AGO2: variants seen among roughly 807,000 people sequenced by gnomAD.
The protein encoded by AGO2 is protein argonaute-2.
Under a neutral mutation model 102.3 loss-of-function variants are expected in AGO2, and 5 were observed. That is an observed-to-expected ratio of 0.05 (90% CI 0.03 to 0.10). AGO2 has a LOEUF of 0.10. Among genes scored for constraint, AGO2 ranks in the 10% least tolerant of loss-of-function variants. The probability of loss-of-function intolerance (pLI) is 1.00; values close to 1 mark genes in which losing one functional copy is unlikely to be tolerated. For synonymous variants in AGO2, 449 were observed against 473.1 expected, an observed-to-expected ratio of 0.95 and a Z score of 0.66; for missense variants, 541 against 1,183.7, an observed-to-expected ratio of 0.46 and a Z score of 7.97.
intron 17 of AGO2, 166 bp from the exon 18 acceptor site, chr8:140,532,781 G>A (rs1025188351): frequency 1.9e-4 from 126 of 679,650 alleles, no homozygotes; most frequent in Non-Finnish European, 2.7e-4. Context: ...CAGATCACGC[G>A]GTCAGGAGTT....
At position 140,539,510 on chromosome 8, in the gene AGO2, C is replaced by T. The variant is rs545605170; in HGVS notation, c.2035-56G>A. ...TAAAGATGGTAGTGCATGTGAGCAA[C>T]GGTCCCACGTGCGGGTTCTGGGTTG... On this transcript the variant is annotated intron_variant, in intron 15 of 18. Transcript: ENST00000220592. The surrounding 1 kb of genome is among the most constrained non-coding windows in gnomAD (Gnocchi z 4.7). The T allele has an allele frequency of 9.0e-6, 14 of 1,560,208 alleles. No homozygotes were observed. The highest frequency in any genetic ancestry group is 6.8e-5 in the East Asian group (3 of 44,124).
chr8:140,640,805 C>T, the AGO2 span, among the ~76,000 whole-genome samples: 654 of 152,314 alleles, frequency 4.3e-3, 4 homozygotes, highest in African/African-American at 0.015. Context: ...AGGCGTGAGC[C>T]ACCACGCCTG....
At chr8:140,599,288 T>C (rs2073894927) in intron 1 of AGO2, among the ~76,000 whole-genome samples, 1 of 152,080 alleles carries the variant, frequency 6.6e-6, no homozygotes, top group Non-Finnish European at 1.5e-5. Context: ...GAACGCAAAA[T>C]CCTGTGACCA....
At chr8:140,625,348 C>G (rs535093875) in intron 1 of AGO2, among the ~76,000 whole-genome samples, 4 of 152,132 alleles carry the variant, frequency 2.6e-5, no homozygotes, top group Non-Finnish European at 4.4e-5. Flanking sequence ...TCAGGTGATC[C>G]GCCCGCCTTG....
intron 1 of AGO2, among the ~76,000 whole-genome samples, chr8:140,593,508 C>A (rs1340322775): frequency 6.7e-6 from 1 of 148,946 alleles, no homozygotes; most frequent in Non-Finnish European, 1.5e-5. Flanking sequence ...CACTGATCTG[C>A]CACCCTCATG....
At chr8:140,611,330 G>T (rs1045262865) in intron 1 of AGO2, among the ~76,000 whole-genome samples, 59 of 147,914 alleles carry the variant, frequency 4.0e-4, no homozygotes, top group African/African-American at 5.7e-4. Context: ...TTAAGCCTTT[G>T]TTTTTTTTTT....
chr8:140,603,113 T>C (rs1009387755), intron 1 of AGO2, among the ~76,000 whole-genome samples: 1 of 152,180 alleles, frequency 6.6e-6, no homozygotes, highest in African/African-American at 2.4e-5. Flanking sequence ...CAGCCCAGAA[T>C]TGGTGGGAGC....
chr8:140,560,271 G>C (rs1228584590), intron 5 of AGO2, 103 bp downstream of exon 5: 2 of 1,499,084 alleles, frequency 1.3e-6, no homozygotes, highest in Non-Finnish European at 1.8e-6. Flanking sequence ...TCTGACAGAG[G>C]CCATGCGTGG....
intron 1 of AGO2, among the ~76,000 whole-genome samples, chr8:140,608,861 C>T (rs2074039368): frequency 6.6e-6 from 1 of 152,202 alleles, no homozygotes; most frequent in African/African-American, 2.4e-5. Flanking sequence ...GAATCAGCCC[C>T]GCGGGGTGAT....
chr8:140,542,090 G>A (rs2072809526), intron 14 of AGO2, among the ~76,000 whole-genome samples: 1 of 152,118 alleles, frequency 6.6e-6, no homozygotes, highest in Non-Finnish European at 1.5e-5. Context: ...CCACCGGAAG[G>A]TGCCAGCCAT....
intron 1 of AGO2, among the ~76,000 whole-genome samples, chr8:140,606,211 G>C (rs1335675933): frequency 4.6e-5 from 7 of 152,188 alleles, no homozygotes; most frequent in Admixed American, 4.6e-4. Flanking sequence ...AAGAAACCAA[G>C]TAGGTTCTGA....
chr8:140,640,521 T>C (rs1041935367), upstream of AGO2, among the ~76,000 whole-genome samples: 3 of 151,666 alleles, frequency 2.0e-5, no homozygotes, highest in Non-Finnish European at 4.4e-5. Context: ...GGACAGCTGG[T>C]GTTTCTTTTT....
In AGO2 at chr8:140,526,061, G is replaced by A. The variant is rs765328300; in HGVS notation, c.*5983C>T. 4 of 152,232 alleles carry A rather than the reference G, an allele frequency of 2.6e-5. No homozygotes were observed. The highest frequency in any genetic ancestry group is 4.4e-5 in the Non-Finnish European group (3 of 68,038). The allele number at this position is 152,232 out of a possible 1,614,324, so 9.4% of individuals were successfully genotyped here. A position where few individuals can be genotyped will look rare whatever the true frequency, so the allele number is the denominator to read the frequency against. On this transcript the variant is annotated 3_prime_UTR_variant, in exon 19 of 19. Coordinates refer to ENST00000220592, the MANE Select transcript of AGO2 (RefSeq NM_012154.5). This position sits in a 1 kb window ranked among gnomAD's most constrained non-coding sequence, Gnocchi z 5.2. ...CCCTTAGTTTGTTTTGCAGTAGGGA[G>A]TGAGAGTAACCCGAGGTCCCAAAGT...
intron 2 of AGO2, among the ~76,000 whole-genome samples, chr8:140,582,626 A>G (rs749181052): frequency 2.6e-5 from 4 of 152,252 alleles, no homozygotes; most frequent in Non-Finnish European, 5.9e-5. Flanking sequence ...CACAACATAC[A>G]TAAAAATTAA....
chr8:140,573,112 C>A (rs2073410404), intron 2 of AGO2, among the ~76,000 whole-genome samples, 180 bp from the exon 3 acceptor site: 1 of 150,228 alleles, frequency 6.7e-6, no homozygotes, highest in Non-Finnish European at 1.5e-5. Context: ...TGGGTTCAAG[C>A]AATTCTCCTC....
Position 140,520,979 on chromosome 8 carries a change from T to A in AGO2, c.*11065A>T, listed in dbSNP as rs2072408580. ...ACTATATCCCTACAAGAGTAATTTTTAAATTTCTTTCAACAGTCTATTGGG... is the reference window on the plus strand; with the variant it reads ...ACTATATCCCTACAAGAGTAATTTTAAAATTTCTTTCAACAGTCTATTGGG... On this transcript the variant is annotated 3_prime_UTR_variant, in exon 19 of 19. Coordinates refer to ENST00000220592, the MANE Select transcript of AGO2 (RefSeq NM_012154.5). The A allele has an allele frequency of 1.3e-5, 2 of 152,210 alleles. No homozygotes were observed. Among genetic ancestry groups the A allele is most frequent in the Admixed American group, 1.3e-4 (2 of 15,286 alleles). The allele number at this position is 152,210 out of a possible 1,614,324, so 9.4% of individuals were successfully genotyped here.
rs1564065606 is a variant in AGO2 at position 140,525,456 on chromosome 8, G to A, written c.*6588C>T. 1.3e-5 allele frequency: 2 copies of A among 152,304 alleles called. No homozygotes were observed. Among genetic ancestry groups the A allele is most frequent in the Non-Finnish European group, 2.9e-5 (2 of 68,094 alleles). 9.4% of individuals were successfully genotyped at this position (152,304 alleles called of 1,614,324 possible). ...ACGGGGGCCCAAGCCTCTTGAGGTC[G>A]GTCCGCACAGAACAGCGTGGCGGCA... On this transcript the variant is annotated 3_prime_UTR_variant, in exon 19 of 19. Transcript: ENST00000220592.
At chr8:140,635,088 C>G (rs1396013384) in intron 1 of AGO2, among the ~76,000 whole-genome samples, 2 of 147,620 alleles carry the variant, frequency 1.4e-5, no homozygotes, top group Non-Finnish European at 3.0e-5. Flanking sequence ...GCAGCGAGGC[C>G]GGGCCAAGCG....
intron 1 of AGO2, among the ~76,000 whole-genome samples, chr8:140,614,198 G>A (rs2074114350): frequency 2.0e-5 from 3 of 151,850 alleles, no homozygotes; most frequent in Admixed American, 2.0e-4. Context: ...GCGTGTGCTT[G>A]TAGTAGTCCC....
Sources: gnomAD v4.1 joint callset for allele counts (sites outside exome capture counted in the v4.1 genomes callset) on GRCh38, gnomAD v4.1.1 for gene constraint, Gnocchi (gnomAD v3.1) non-coding constraint, MANE v1.5 for transcripts, NCBI Gene and HGNC (gene_info 2026-07-23, HGNC 2026-07-21) for gene names.